Variants in TPO observed in about 807,000 individuals in gnomAD.
The protein encoded by TPO is thyroid microsomal antigen.
In TPO, 78 loss-of-function variants were observed where a neutral mutation model predicts 96.9. The ratio of observed to expected loss-of-function variants is 0.81; its 90% confidence interval spans 0.67 to 0.97. The LOEUF (loss-of-function observed/expected upper bound fraction) is 0.97. Ranked by LOEUF, TPO falls within the 50% of genes least tolerant of loss-of-function variation. The pLI, the probability that TPO is intolerant of heterozygous loss-of-function variation, is 0.00. For synonymous variants in TPO, 547 were observed against 538.0 expected, an observed-to-expected ratio of 1.02 and a Z score of -0.23; for missense variants, 1,252 against 1,274.8, an observed-to-expected ratio of 0.98 and a Z score of 0.27.
At chr2:1,505,381 C>T (rs1390735661) in intron 14 of TPO, among the ~76,000 whole-genome samples, 2 of 140,642 alleles carry the variant, frequency 1.4e-5, no homozygotes, top group Middle Eastern at 3.9e-3. Context: ...GTCAGGCACA[C>T]CCCACCAGCC....
At chr2:1,477,049 G>A in intron 7 of TPO, 37 bp from the exon 8 acceptor site, 1 of 1,589,394 alleles carries the variant, frequency 6.3e-7, no homozygotes, top group Admixed American at 1.7e-5. Flanking sequence ...GGGTGCACGG[G>A]GGCCCTGGGT....
intron 7 of TPO, 142 bp from the exon 8 acceptor site, chr2:1,476,944 C>T (rs1411557998): frequency 1.6e-5 from 18 of 1,094,942 alleles, no homozygotes; most frequent in South Asian, 4.9e-5. Flanking sequence ...GGTGAGGGGA[C>T]TGGCTGGACT....
At chr2:1,540,474 T>C in intron 15 of TPO, 120 bp from the exon 16 acceptor site, 2 of 1,594,152 alleles carry the variant, frequency 1.3e-6, no homozygotes, top group African/African-American at 1.3e-5. Context: ...TGAAAGTGGG[T>C]TGGAGTGTTC....
chr2:1,410,737 A>AT (rs1176053853), upstream of TPO, among the ~76,000 whole-genome samples: 1 of 152,028 alleles, frequency 6.6e-6, no homozygotes, highest in Admixed American at 6.5e-5. Context: ...AGGGCCCTGC[A>AT]TTCCCCCATC....
intron 5 of TPO, among the ~76,000 whole-genome samples, chr2:1,443,166 GAGCC>G: frequency 6.6e-6 from 1 of 152,224 alleles, no homozygotes; most frequent in Non-Finnish European, 1.5e-5. Context: ...GAAGGGAATG[GAGCC>G]AGCTCCTTCT....
At chr2:1,521,247 A>G (rs933464289) in intron 15 of TPO, among the ~76,000 whole-genome samples, 2 of 152,232 alleles carry the variant, frequency 1.3e-5, no homozygotes, top group African/African-American at 4.8e-5. Flanking sequence ...TCCTCCGTCC[A>G]GGACGTCTAA....
At chr2:1,410,707 C>T (rs1447671061), upstream of TPO, among the ~76,000 whole-genome samples, 1 of 152,138 alleles carries the variant, frequency 6.6e-6, no homozygotes, top group Non-Finnish European at 1.5e-5. Flanking sequence ...GCCACTCCTT[C>T]ACTGAGACCT....
chr2:1,523,933 ACT>A (rs1271742087), intron 15 of TPO, among the ~76,000 whole-genome samples: 2 of 62,256 alleles, frequency 3.2e-5, no homozygotes, highest in African/African-American at 1.4e-4. Flanking sequence ...AATCCCCCCT[ACT>A]GTGTGCAACC....
chr2:1,498,043 G>A (rs1168829406), intron 13 of TPO, among the ~76,000 whole-genome samples: 3 of 149,928 alleles, frequency 2.0e-5, no homozygotes, highest in Non-Finnish European at 4.4e-5. Flanking sequence ...GTGATAAGTT[G>A]CACAAGGTCA....
intron 15 of TPO, among the ~76,000 whole-genome samples, chr2:1,526,757 C>G (rs1274384085): frequency 2.2e-5 from 3 of 137,720 alleles, no homozygotes; most frequent in Non-Finnish European, 3.1e-5. Context: ...ATCCCCACCA[C>G]TCTGTGCAAC....
At chr2:1,461,509 C>T (rs962294687) in intron 7 of TPO, among the ~76,000 whole-genome samples, 4 of 152,096 alleles carry the variant, frequency 2.6e-5, no homozygotes, top group African/African-American at 4.8e-5. Flanking sequence ...GGCCTTTCGT[C>T]CTAAGAAAAG....
chr2:1,421,388 ACT>A (rs1172748287), intron 2 of TPO, among the ~76,000 whole-genome samples: 2 of 152,180 alleles, frequency 1.3e-5, no homozygotes, highest in Non-Finnish European at 2.9e-5. Flanking sequence ...CTAAGATGTA[ACT>A]CTGCAGCTAG....
At chr2:1,400,585 A>AG (rs1553292857) in intron 1 of TPO, among the ~76,000 whole-genome samples, 29 of 148,770 alleles carry the variant, frequency 1.9e-4, no homozygotes, top group Admixed American at 1.6e-3. Flanking sequence ...AAAAAAAAAA[A>AG]AAAGAAATAT....
At position 1,542,676 on chromosome 2, in the gene TPO, T is replaced by C; in HGVS notation, c.*202T>C. On this transcript the variant is annotated 3_prime_UTR_variant, in exon 17 of 17. Coordinates refer to ENST00000329066, the MANE Select transcript of TPO (RefSeq NM_001206744.2). ...TTGTCTGGCCTTTTCTTGTAAACAT[T>C]GCCTGATTTGTTCCTTCTGGGGCTT... is the stretch of plus-strand genomic sequence containing the variant. The C allele has an allele frequency of 1.4e-6, 2 of 1,473,524 alleles. No individual in the cohort carries two copies. The highest frequency in any genetic ancestry group is 1.8e-6 in the Non-Finnish European group (2 of 1,086,100). The allele number at this position is 1,473,524 out of a possible 1,614,324, so 91.3% of individuals were successfully genotyped here.
chr2:1,491,075 CAGG>C (rs1336998894), intron 10 of TPO, among the ~76,000 whole-genome samples: 1 of 152,020 alleles, frequency 6.6e-6, no homozygotes, highest in Non-Finnish European at 1.5e-5. Context: ...GAGGCTGAGG[CAGG>C]AGAATTGCTT....
At chr2:1,445,859 A>C (rs11687965) in intron 5 of TPO, among the ~76,000 whole-genome samples, 2 of 146,018 alleles carry the variant, frequency 1.4e-5, no homozygotes, top group Non-Finnish European at 3.0e-5. Flanking sequence ...TGTATGATCC[A>C]GTCACTGCTG....
At chr2:1,454,727 A>T (rs1193576486) in intron 6 of TPO, among the ~76,000 whole-genome samples, 1 of 152,192 alleles carries the variant, frequency 6.6e-6, no homozygotes, top group East Asian at 1.9e-4. Flanking sequence ...CTTATGCTCA[A>T]CAGTGGACCA....
intron 7 of TPO, among the ~76,000 whole-genome samples, chr2:1,466,965 G>T (rs1165593472): frequency 2.6e-5 from 4 of 151,964 alleles, no homozygotes; most frequent in African/African-American, 9.7e-5. Flanking sequence ...ATTCCTTAAG[G>T]TGTAACCTTA....
At chr2:1,509,246 A>G (rs1210491312) in intron 14 of TPO, among the ~76,000 whole-genome samples, 2 of 152,198 alleles carry the variant, frequency 1.3e-5, no homozygotes, top group Non-Finnish European at 2.9e-5. Context: ...CTGTGGTCGG[A>G]GAGACGGTTT....
Sources: gnomAD v4.1 joint callset for allele counts (sites outside exome capture counted in the v4.1 genomes callset) on GRCh38, gnomAD v4.1.1 for gene constraint, MANE v1.5 for transcripts, NCBI Gene and HGNC (gene_info 2026-07-23, HGNC 2026-07-21) for gene names.